The following CPVL variants were observed in gnomAD, a reference collection of about 807,000 sequenced individuals.
The protein encoded by CPVL is probable serine carboxypeptidase CPVL.
A neutral mutation model predicts 63.7 loss-of-function variants in CPVL; 51 were observed. That is an observed-to-expected ratio of 0.80 (90% CI 0.64 to 1.01). CPVL has a LOEUF of 1.01. CPVL is among the 50% of genes least tolerant of loss of function. CPVL has a pLI of 0.00. For missense variants in CPVL, 530 were observed against 573.1 expected (o/e 0.92, Z 0.77); for synonymous variants, 195 against 206.0 (o/e 0.95, Z 0.46).
intron 12 of CPVL, among the ~76,000 whole-genome samples, chr7:29,020,920 A>C (rs1474946435): frequency 6.6e-6 from 1 of 152,234 alleles, no homozygotes; most frequent in Non-Finnish European, 1.5e-5. Context: ...TCATACCTGT[A>C]ATCCCAGCAC....
chr7:29,086,752 T>C (rs978780271), intron 6 of CPVL, among the ~76,000 whole-genome samples: 3 of 152,210 alleles, frequency 2.0e-5, no homozygotes, highest in South Asian at 2.1e-4. Flanking sequence ...TTTGGACAAG[T>C]GGACATCAAT....
At chr7:29,000,736 AT>A (rs2128124813) in intron 12 of CPVL, among the ~76,000 whole-genome samples, 1 of 152,258 alleles carries the variant, frequency 6.6e-6, no homozygotes, top group South Asian at 2.1e-4. Flanking sequence ...CACTTTAACC[AT>A]TTTAAAGCGT....
chr7:29,016,016 ATC>A (rs1370641688), intron 12 of CPVL, among the ~76,000 whole-genome samples: 1 of 152,156 alleles, frequency 6.6e-6, no homozygotes, highest in Non-Finnish European at 1.5e-5. Context: ...CATCCTTATC[ATC>A]TCTTTTGACC....
At position 29,087,381 on chromosome 7, in the gene CPVL, G is replaced by A. The variant is rs192679172; in HGVS notation, c.543-831C>T. 1.3e-4 allele frequency among the ~76,000 whole-genome samples: 17 copies of A among 135,594 alleles called. No homozygotes were observed. The East Asian group carries it at 1.7e-3, about 14-fold the overall frequency. 89.0% of individuals were successfully genotyped at this position (135,594 alleles called of 152,430 possible). The stretch of plus-strand genomic sequence containing the variant: ...TGAGGTTGCAGTGAGCTGAGATTGC[G>A]CCATTGCACTCCAGCCTGGGCAACA... On this transcript the variant is annotated intron_variant, in intron 6 of 12. Coordinates refer to ENST00000265394, the MANE Select transcript of CPVL (RefSeq NM_031311.5).
intron 3 of CPVL, among the ~76,000 whole-genome samples, chr7:29,098,790 C>T (rs1483860790): frequency 3.3e-5 from 5 of 152,164 alleles, no homozygotes; most frequent in Admixed American, 6.5e-5. Flanking sequence ...AGGCCAGGCA[C>T]GGTGGCTCGT....
At chr7:28,999,155 T>C (rs1416243314) in intron 12 of CPVL, among the ~76,000 whole-genome samples, 1 of 150,138 alleles carries the variant, frequency 6.7e-6, no homozygotes, top group Non-Finnish European at 1.5e-5. Context: ...GAGGTTGCAG[T>C]GAGCTAAGAT....
intron 5 of CPVL, among the ~76,000 whole-genome samples, chr7:29,157,180 C>T (rs1484707977): frequency 6.6e-6 from 1 of 152,184 alleles, no homozygotes; most frequent in Non-Finnish European, 1.5e-5. Context: ...ACATCCTAAT[C>T]ACCCACATCA....
At chr7:29,093,321 G>A (rs1472349263) in intron 5 of CPVL, among the ~76,000 whole-genome samples, 6 of 103,636 alleles carry the variant, frequency 5.8e-5, no homozygotes, top group Non-Finnish European at 1.0e-4. Flanking sequence ...AGATTGCAGT[G>A]AGCTGAGATC....
At chr7:29,165,677 T>A (rs1401065869) in intron 5 of CPVL, among the ~76,000 whole-genome samples, 1 of 152,240 alleles carries the variant, frequency 6.6e-6, no homozygotes, top group Admixed American at 6.5e-5. Flanking sequence ...AGGTGTTAAC[T>A]GTAGGCTTTT....
chr7:29,039,927 C>T (rs556929212), intron 11 of CPVL, among the ~76,000 whole-genome samples: 2 of 152,200 alleles, frequency 1.3e-5, no homozygotes, highest in South Asian at 4.1e-4. Context: ...GCTTTTTTCC[C>T]AATGATCTAG....
intron 9 of CPVL, 51 bp from the exon 10 acceptor site, chr7:29,066,172 G>T: frequency 1.1e-6 from 1 of 921,222 alleles, no homozygotes. Context: ...CATCAGTGTG[G>T]ATAAAAATGT....
intron 2 of CPVL, 79 bp from the exon 3 acceptor site, chr7:29,112,901 G>T: frequency 1.0e-6 from 1 of 966,946 alleles, no homozygotes; most frequent in Non-Finnish European, 1.7e-6. Flanking sequence ...TCTCAGTCTG[G>T]ATGAAATGGA....
chr7:28,999,576 C>A (rs528539258), intron 12 of CPVL, among the ~76,000 whole-genome samples: 1 of 152,190 alleles, frequency 6.6e-6, no homozygotes, highest in Admixed American at 6.5e-5. Context: ...CACGCACATG[C>A]GCACTCACAC....
At chr7:29,146,885 C>G (rs555946730), upstream of CPVL, 58 of 1,551,206 alleles carry the variant, frequency 3.7e-5, no homozygotes, top group South Asian at 6.8e-4. Flanking sequence ...ATTTGGAAAG[C>G]GAGTGGTGTT....
chr7:29,031,677 A>T (rs1788033560), intron 11 of CPVL, among the ~76,000 whole-genome samples: 1 of 152,178 alleles, frequency 6.6e-6, no homozygotes, highest in Non-Finnish European at 1.5e-5. Context: ...GAAATTTTAA[A>T]AAATTATATA....
At chr7:29,049,423 G>T (rs1057182336) in intron 11 of CPVL, among the ~76,000 whole-genome samples, 2 of 152,016 alleles carry the variant, frequency 1.3e-5, no homozygotes, top group African/African-American at 4.8e-5. Flanking sequence ...AGAAGAGATG[G>T]ATAAAATCCT....
intron 1 of CPVL, chr7:29,126,934 T>C (rs1369995914): frequency 6.6e-6 from 1 of 152,234 alleles, no homozygotes; most frequent in African/African-American, 2.4e-5. Flanking sequence ...AGTCATGGCA[T>C]GCAAGGTAAA....
At chr7:29,139,170 A>G (rs1791576617) in intron 1 of CPVL, among the ~76,000 whole-genome samples, 1 of 152,210 alleles carries the variant, frequency 6.6e-6, no homozygotes, top group African/African-American at 2.4e-5. Flanking sequence ...CGAGCAGGAA[A>G]GGCTCTGCCA....
intron 12 of CPVL, among the ~76,000 whole-genome samples, chr7:29,018,420 C>G (rs543597717): frequency 1.1e-4 from 16 of 141,112 alleles, no homozygotes; most frequent in Admixed American, 2.2e-4. Context: ...ACTCTGTTGC[C>G]CAATCTGGAG....
Sources: gnomAD v4.1 joint callset for allele counts (sites outside exome capture counted in the v4.1 genomes callset) on GRCh38, gnomAD v4.1.1 for gene constraint, MANE v1.5 for transcripts, NCBI Gene and HGNC (gene_info 2026-07-23, HGNC 2026-07-21) for gene names.